SNRPN: variants seen among roughly 807,000 people sequenced by gnomAD.
SNRPN encodes small nuclear ribonucleoprotein polypeptide N.
A neutral mutation model predicts 25.2 loss-of-function variants in SNRPN; 7 were observed. The ratio of observed to expected loss-of-function variants is 0.28; its 90% CI spans 0.16 to 0.52. SNRPN has a LOEUF of 0.52. Ranked by LOEUF, SNRPN falls within the 20% of genes least tolerant of loss-of-function variation. The probability of loss-of-function intolerance (pLI) is 0.96; values close to 1 mark genes in which losing one functional copy is unlikely to be tolerated. For missense variants in SNRPN, 196 were observed against 322.5 expected, an observed-to-expected ratio of 0.61 and a Z score of 3.00; for synonymous variants, 124 against 110.6, an observed-to-expected ratio of 1.12 and a Z score of -0.76.
chr15:24,873,813 G>C (rs1052191499), intron 1 of SNRPN, among the ~76,000 whole-genome samples: 5 of 152,054 alleles, frequency 3.3e-5, no homozygotes, highest in Non-Finnish European at 5.9e-5. Flanking sequence ...CCTTCAATGA[G>C]GAAATTAGTT....
At chr15:24,875,067 T>A (rs908686397) in intron 1 of SNRPN, among the ~76,000 whole-genome samples, 7 of 152,240 alleles carry the variant, frequency 4.6e-5, no homozygotes, top group Admixed American at 4.6e-4. Context: ...CATAAAATAA[T>A]GATGCATTTT....
chr15:24,956,337 C>T (rs1024899129), intron 1 of SNRPN, among the ~76,000 whole-genome samples: 1 of 141,674 alleles, frequency 7.1e-6, no homozygotes, highest in Non-Finnish European at 1.5e-5. Flanking sequence ...CGGCTTAGAT[C>T]TGCGCAAGCG....
chr15:24,858,490 T>C (rs1047624925), intron 1 of SNRPN, among the ~76,000 whole-genome samples: 3 of 151,958 alleles, frequency 2.0e-5, no homozygotes, highest in Non-Finnish European at 2.9e-5. Context: ...GAAGAAACAA[T>C]TTAGGGCTCC....
chr15:24,889,797 C>T (rs76765430), intron 2 of SNRPN, among the ~76,000 whole-genome samples: 7,745 of 151,884 alleles, frequency 0.051, 477 homozygotes, highest in Admixed American at 0.17. Flanking sequence ...CGCCTGTAAT[C>T]TCAGCACTTT....
chr15:24,968,007 A>G lies in SNRPN; in HGVS notation c.-219A>G, dbSNP rs200974605. 1.9e-6 allele frequency: 3 copies of G among 1,613,994 alleles called. No individual in the cohort carries two copies. In the African/African-American group the frequency reaches 4.0e-5, roughly 22 times the overall value. The stretch of plus-strand genomic sequence containing the variant: ...ATTTCCAGGCTGAACTGAGGCAGGC[A>G]TTCTTAGCTGAGACACCAAGAGGTG... On this transcript the variant is annotated 5_prime_UTR_variant, in exon 3 of 10. Transcript: ENST00000390687.
At chr15:24,858,090 C>A (rs1180769680) in intron 1 of SNRPN, among the ~76,000 whole-genome samples, 1 of 152,098 alleles carries the variant, frequency 6.6e-6, no homozygotes, top group Admixed American at 6.5e-5. Flanking sequence ...TTAGGTTTCA[C>A]AATAGTGATG....
At chr15:24,936,047 G>A (rs918881892) in intron 3 of SNRPN, among the ~76,000 whole-genome samples, 3 of 151,832 alleles carry the variant, frequency 2.0e-5, no homozygotes, top group Admixed American at 1.3e-4. Context: ...CCCAGGAGGC[G>A]GAGGTTGTGG....
intron 2 of SNRPN, among the ~76,000 whole-genome samples, chr15:24,904,460 G>T (rs2058670425): frequency 6.6e-6 from 1 of 152,088 alleles, no homozygotes; most frequent in African/African-American, 2.4e-5. Flanking sequence ...CTCAAGACCG[G>T]CCTGGCCAAC....
At chr15:24,974,747 C>G (rs2076868718) in intron 4 of SNRPN, 1 of 607,758 alleles carries the variant, frequency 1.6e-6, no homozygotes, top group Non-Finnish European at 2.9e-6. Context: ...TTATTAGAAA[C>G]AGGGTTTCAC....
intron 1 of SNRPN, among the ~76,000 whole-genome samples, chr15:24,824,705 G>A (rs1419654915): frequency 1.3e-5 from 2 of 151,442 alleles, no homozygotes; most frequent in African/African-American, 2.4e-5. Context: ...TAGGTTTTAC[G>A]TGCTCCATTA....
chr15:24,837,192 A>G (rs2051269504), intron 2 of SNRPN, among the ~76,000 whole-genome samples: 1 of 152,012 alleles, frequency 6.6e-6, no homozygotes, highest in Admixed American at 6.6e-5. Context: ...GTCCAAAGGT[A>G]ACTCTGGCGA....
chr15:24,922,155 G>T (rs1191587004), intron 3 of SNRPN, among the ~76,000 whole-genome samples: 1 of 152,096 alleles, frequency 6.6e-6, no homozygotes, highest in African/African-American at 2.4e-5. Flanking sequence ...GGAGGTTGCA[G>T]TGAGCCAAGA....
chr15:24,974,212 T>C (rs2076801120), intron 3 of SNRPN, 99 bp from the exon 4 acceptor site: 2 of 537,038 alleles, frequency 3.7e-6, no homozygotes, highest in Non-Finnish European at 6.7e-6. Context: ...GGAAGGATGT[T>C]TTTGAACGTG....
chr15:24,967,336 G>C (rs114559317), intron 2 of SNRPN: 3,044 of 154,830 alleles, frequency 0.02, 109 homozygotes, highest in African/African-American at 0.069. Context: ...GTCATCCTCT[G>C]ACCCTAAAGA....
rs570681443 is a variant in SNRPN, at chr15:24,915,952, T to G, written c.-504-4059T>G. On this transcript the variant is annotated intron_variant, in intron 2 of 11. Transcript: ENST00000400097. ...GATTATATACACACATTGTGGTTTT[T>G]TTTTGGCCAGGTTGACTTTTTTTTT... Among the ~76,000 whole-genome samples, 13 of 151,222 alleles carry G rather than the reference T, an allele frequency of 8.6e-5. No individual in the cohort carries two copies. The South Asian group carries it at 2.7e-3, about 32-fold the overall frequency.
In SNRPN at chr15:24,955,015, T is replaced by C. The variant is rs774303237; in HGVS notation, c.-438T>C. The C allele has an allele frequency of 6.2e-7, 1 of 1,612,368 alleles. No individual in the cohort carries two copies. The highest frequency in any genetic ancestry group is 2.2e-5 in the East Asian group (1 of 44,856). On this transcript the variant is annotated 5_prime_UTR_variant, in exon 1 of 10. Transcript: ENST00000390687. ...GAGTGGAGCGGCCGCCGGAGATGCC[T>C]GACGCATCTGTCTGAGGAGCGGTCA...
chr15:24,842,074 G>A (rs2051752828), intron 2 of SNRPN, among the ~76,000 whole-genome samples: 1 of 152,128 alleles, frequency 6.6e-6, no homozygotes, highest in Non-Finnish European at 1.5e-5. Context: ...TACATGTCCA[G>A]CCCCTGTGCT....
intron 1 of SNRPN, among the ~76,000 whole-genome samples, chr15:24,865,969 G>A (rs2054536153): frequency 6.6e-6 from 1 of 152,118 alleles, no homozygotes; most frequent in Non-Finnish European, 1.5e-5. Context: ...GAGGAGTGTT[G>A]AAGTCACCGA....
In SNRPN at chr15:24,882,833, AAT is replaced by A. The variant is rs1555388423; in HGVS notation, c.-578-3669_-578-3668del. Among the ~76,000 whole-genome samples the A allele has an allele frequency of 3.7e-3, 447 of 119,356 alleles. 27 individuals carry two copies. The highest frequency in any genetic ancestry group is 0.013 in the African/African-American group (427 of 31,972). 78.3% of individuals were successfully genotyped at this position (119,356 alleles called of 152,430 possible). On this transcript the variant is annotated intron_variant, in intron 1 of 11. Coordinates refer to the SNRPN transcript ENST00000400097. ...AGCGAGACTCCATCTCAAAAAAAAAAATATATATATATATAGTGAGTTGAAAT... is the reference window on the plus strand; with the variant it reads ...AGCGAGACTCCATCTCAAAAAAAAAAATATATATATATAGTGAGTTGAAAT...
Sources: gnomAD v4.1 joint callset for allele counts (sites outside exome capture counted in the v4.1 genomes callset) on GRCh38, gnomAD v4.1.1 for gene constraint, MANE v1.5 for transcripts, NCBI Gene and HGNC (gene_info 2026-07-23, HGNC 2026-07-21) for gene names.